ERG: variants seen among roughly 807,000 people sequenced by gnomAD.
ERG encodes ETS transcription factor ERG.
Under a neutral mutation model 55.3 loss-of-function variants are expected in ERG, and 9 were observed. The observed-to-expected ratio is 0.16, with a 90% CI of 0.10 to 0.28. The LOEUF (loss-of-function observed/expected upper bound fraction) is 0.28, where lower values mean the gene tolerates loss of function less well. Among genes scored for constraint, ERG ranks in the 10% least tolerant of loss-of-function variants. The pLI, the probability that ERG is intolerant of heterozygous loss-of-function variation, is 1.00. For synonymous variants in ERG, 223 were observed against 237.3 expected (o/e 0.94, Z 0.55); for missense variants, 434 against 631.6 (o/e 0.69, Z 3.35).
intron 2 of ERG, among the ~76,000 whole-genome samples, chr21:38,442,959 C>T (rs2058855760): frequency 6.6e-6 from 1 of 152,108 alleles, no homozygotes; most frequent in Non-Finnish European, 1.5e-5. Flanking sequence ...AGGTGCCCAC[C>T]ACCACGCCCG....
At chr21:38,560,354 C>T (rs575132501) in intron 2 of ERG, among the ~76,000 whole-genome samples, 193 of 152,290 alleles carry the variant, frequency 1.3e-3, no homozygotes, top group African/African-American at 4.3e-3. Context: ...CAACCTCCAG[C>T]TGTTCACACC....
At chr21:38,461,372 G>A (rs980358861) in intron 1 of ERG, among the ~76,000 whole-genome samples, 2 of 152,154 alleles carry the variant, frequency 1.3e-5, no homozygotes, top group Non-Finnish European at 2.9e-5. Flanking sequence ...GATTACCTCT[G>A]TAAAGGCCCT....
intron 1 of ERG, among the ~76,000 whole-genome samples, chr21:38,636,757 C>T (rs1269990109): frequency 2.0e-5 from 3 of 152,208 alleles, no homozygotes; most frequent in Non-Finnish European, 4.4e-5. Flanking sequence ...CTGCGGCCCA[C>T]AGCCTGACAG....
chr21:38,458,490 G>A (rs1168168106), intron 1 of ERG, among the ~76,000 whole-genome samples: 4 of 151,170 alleles, frequency 2.6e-5, no homozygotes, highest in Admixed American at 2.0e-4. Context: ...GCCTTGACAC[G>A]TGAGATGTCA....
chr21:38,613,409 CT>C (rs147291663), intron 1 of ERG, among the ~76,000 whole-genome samples: 7,343 of 152,304 alleles, frequency 0.048, 566 homozygotes, highest in African/African-American at 0.17. Context: ...AGCACGCCCC[CT>C]GACCACATCG....
At chr21:38,487,842 GA>G (rs1241052392) in intron 1 of ERG, among the ~76,000 whole-genome samples, 3 of 152,190 alleles carry the variant, frequency 2.0e-5, no homozygotes, top group Non-Finnish European at 2.9e-5. Context: ...AGTATGTGAA[GA>G]AATGAGTCCC....
chr21:38,655,830 A>T (rs1415239167), intron 1 of ERG, among the ~76,000 whole-genome samples: 1 of 152,190 alleles, frequency 6.6e-6, no homozygotes, highest in East Asian at 1.9e-4. Flanking sequence ...CCCACTTTTC[A>T]ACAGAAGCAC....
chr21:38,468,597 T>G (rs2059110391), intron 1 of ERG, among the ~76,000 whole-genome samples: 1 of 152,114 alleles, frequency 6.6e-6, no homozygotes, highest in Non-Finnish European at 1.5e-5. Context: ...AAGTCCCCTC[T>G]GGCAACTGGA....
At chr21:38,409,434 G>A (rs1246633166) in intron 3 of ERG, among the ~76,000 whole-genome samples, 2 of 142,946 alleles carry the variant, frequency 1.4e-5, no homozygotes, top group Non-Finnish European at 3.0e-5. Context: ...GATAAGCCGA[G>A]ATTGCGCCAT....
chr21:38,409,486 C>CATA (rs1555894750), intron 3 of ERG, among the ~76,000 whole-genome samples: 4 of 52,828 alleles, frequency 7.6e-5, no homozygotes, highest in Non-Finnish European at 1.5e-4. Flanking sequence ...AACTCCGTCT[C>CATA]ATAAAAAAAA....
chr21:38,548,092 C>G (rs1488520777), intron 2 of ERG, among the ~76,000 whole-genome samples: 1 of 152,056 alleles, frequency 6.6e-6, no homozygotes, highest in Non-Finnish European at 1.5e-5. Context: ...TTAATTTCTT[C>G]TAGCCCGTAA....
chr21:38,593,179 G>A (rs2060111376), intron 1 of ERG, among the ~76,000 whole-genome samples: 1 of 152,210 alleles, frequency 6.6e-6, no homozygotes, highest in African/African-American at 2.4e-5. Flanking sequence ...ATGTCCCTCA[G>A]TGTGGGAACC....
intron 2 of ERG, among the ~76,000 whole-genome samples, chr21:38,424,185 GAGCTCTCTCT>G (rs1989701809): frequency 4.8e-4 from 28 of 58,578 alleles, no homozygotes; most frequent in East Asian, 8.9e-4. Context: ...ACCAGAGCTC[GAGCTCTCTCT>G]CTCTCTCTCT....
intron 2 of ERG, among the ~76,000 whole-genome samples, chr21:38,424,220 C>CTG (rs1989711573): frequency 6.6e-6 from 1 of 151,256 alleles, no homozygotes; most frequent in Non-Finnish European, 1.5e-5. Flanking sequence ...CTCTCTCTCT[C>CTG]TCTCTGCCAT....
chr21:38,588,961 C>T (rs561310072), upstream of ERG, among the ~76,000 whole-genome samples: 1 of 152,046 alleles, frequency 6.6e-6, no homozygotes, highest in Non-Finnish European at 1.5e-5. Context: ...GAACTCCTGG[C>T]CTCAAGCAAT....
intron 2 of ERG, among the ~76,000 whole-genome samples, chr21:38,574,304 A>C (rs899911912): frequency 1.3e-5 from 2 of 152,210 alleles, no homozygotes; most frequent in African/African-American, 2.4e-5. Context: ...TATCACATCC[A>C]CAAGAGATTT....
chr21:38,525,529 C>T (rs983556514), intron 2 of ERG, among the ~76,000 whole-genome samples: 6 of 152,204 alleles, frequency 3.9e-5, no homozygotes, highest in Admixed American at 1.3e-4. Context: ...CCCTCCAACA[C>T]TTCTTCCACT....
intron 1 of ERG, among the ~76,000 whole-genome samples, chr21:38,653,581 G>T (rs1212755999): frequency 1.3e-5 from 2 of 152,168 alleles, no homozygotes; most frequent in African/African-American, 4.8e-5. Flanking sequence ...AAGTAAAAAG[G>T]GTGGTAGTTT....
Position 38,380,556 on chromosome 21 carries a change from C to T in ERG, c.*2847G>A, listed in dbSNP as rs2146404678. On this transcript the variant is annotated 3_prime_UTR_variant, in exon 10 of 10. Coordinates refer to ENST00000288319, the MANE Select transcript of ERG (RefSeq NM_182918.4). ...GTATACATCAGGGCAAGCCAAGAGA[C>T]AGGGACAAACAGAGAGAAAAGGTTC... The T allele has an allele frequency of 9.4e-7, 1 of 1,065,810 alleles. No homozygotes were observed. Among genetic ancestry groups the T allele is most frequent in the Non-Finnish European group, 1.1e-6 (1 of 879,630 alleles). 66.0% of individuals were successfully genotyped at this position (1,065,810 alleles called of 1,614,324 possible).
Sources: gnomAD v4.1 joint callset for allele counts (sites outside exome capture counted in the v4.1 genomes callset) on GRCh38, gnomAD v4.1.1 for gene constraint, MANE v1.5 for transcripts, NCBI Gene and HGNC (gene_info 2026-07-23, HGNC 2026-07-21) for gene names.